The following ARHGAP8 variants were observed in gnomAD, a reference collection of about 807,000 sequenced individuals.
ARHGAP8 encodes the protein rho GTPase-activating protein 8.
Under a neutral mutation model 46.1 loss-of-function variants are expected in ARHGAP8, and 62 were observed. That is an observed-to-expected ratio of 1.34 (90% confidence interval 1.10 to 1.66). The LOEUF is 1.66. Among genes scored for constraint, ARHGAP8 ranks in the 40% most tolerant of loss-of-function variants. The pLI, the probability that ARHGAP8 is intolerant of heterozygous loss-of-function variation, is 0.00. For missense variants in ARHGAP8, 923 were observed against 568.4 expected (o/e 1.62, Z -6.34); for synonymous variants, 375 against 243.1 (o/e 1.54, Z -5.05).
chr22:44,847,699 G>A (rs964952576), intron 8 of ARHGAP8, among the ~76,000 whole-genome samples: 6 of 152,184 alleles, frequency 3.9e-5, no homozygotes, highest in East Asian at 1.9e-4. Context: ...CAGAGAGGCC[G>A]AGAGCTTTCT....
At chr22:44,845,440 G>T (rs1243497182) in intron 8 of ARHGAP8, 98 bp downstream of exon 8, 4 of 1,534,468 alleles carry the variant, frequency 2.6e-6, no homozygotes, top group Non-Finnish European at 3.6e-6. Flanking sequence ...AAGCCAGGGG[G>T]TGTGACCAGG....
chr22:44,819,133 A>G (rs1473674245), intron 5 of ARHGAP8, among the ~76,000 whole-genome samples: 1 of 152,166 alleles, frequency 6.6e-6, no homozygotes, highest in African/African-American at 2.4e-5. Context: ...CAGTGGTGCC[A>G]TCACGGCTCA....
chr22:44,818,450 C>CAAAAAAAAAAAAAAAAAAAA (rs749292883), intron 5 of ARHGAP8, among the ~76,000 whole-genome samples: 10 of 125,424 alleles, frequency 8.0e-5, no homozygotes, highest in African/African-American at 3.6e-4. Flanking sequence ...ACTCCAGTCT[C>CAAAAAAAAAAAAAAAAAAAA]AAAAAAAAAA....
chr22:44,772,739 G>A (rs1434236865), intron 1 of ARHGAP8, among the ~76,000 whole-genome samples: 2 of 151,410 alleles, frequency 1.3e-5, no homozygotes, highest in Non-Finnish European at 2.9e-5. Context: ...AGAGTTAGTG[G>A]AGAATTGGTA....
chr22:44,762,905 C>T (rs2146994662), intron 1 of ARHGAP8, among the ~76,000 whole-genome samples: 1 of 152,226 alleles, frequency 6.6e-6, no homozygotes, highest in Admixed American at 6.5e-5. Flanking sequence ...AAGGAGGGGC[C>T]TAGATAGCTT....
chr22:44,788,087 TTTA>T (rs935009482), intron 2 of ARHGAP8, among the ~76,000 whole-genome samples: 7 of 134,328 alleles, frequency 5.2e-5, no homozygotes, highest in Admixed American at 7.3e-5. Context: ...GTTTAAAATT[TTTA>T]TTATATGTTA....
At chr22:44,760,168 C>T (rs1297486732) in intron 1 of ARHGAP8, among the ~76,000 whole-genome samples, 1 of 152,216 alleles carries the variant, frequency 6.6e-6, no homozygotes, top group Non-Finnish European at 1.5e-5. Flanking sequence ...TGGCCTTGCG[C>T]ATGCCGTCTT....
At chr22:44,837,128 G>A (rs764711920) in intron 7 of ARHGAP8, among the ~76,000 whole-genome samples, 3 of 152,082 alleles carry the variant, frequency 2.0e-5, no homozygotes, top group African/African-American at 4.8e-5. Flanking sequence ...CAGGTGATCC[G>A]CCCACCTTGG....
At chr22:44,861,678 A>T (rs1407117526) in intron 11 of ARHGAP8, among the ~76,000 whole-genome samples, 1 of 152,170 alleles carries the variant, frequency 6.6e-6, no homozygotes, top group African/African-American at 2.4e-5. Context: ...ACGTTGGTCC[A>T]CATGGCCCCC....
intron 1 of ARHGAP8, among the ~76,000 whole-genome samples, chr22:44,753,225 CTTTT>C (rs529491341): frequency 1.4e-5 from 2 of 140,716 alleles, no homozygotes; most frequent in Non-Finnish European, 1.6e-5. Context: ...AAAGCAGAAA[CTTTT>C]TTTTTTTTTT....
At chr22:44,827,080 T>G (rs1245060148) in intron 7 of ARHGAP8, among the ~76,000 whole-genome samples, 1 of 152,060 alleles carries the variant, frequency 6.6e-6, no homozygotes, top group African/African-American at 2.4e-5. Context: ...TTGGGTTCTC[T>G]GGTGGGCCCA....
chr22:44,832,770 T>G (rs1232399126), intron 7 of ARHGAP8, among the ~76,000 whole-genome samples: 2 of 152,178 alleles, frequency 1.3e-5, no homozygotes, highest in African/African-American at 4.8e-5. Flanking sequence ...GACTGTAACC[T>G]CCAATACATT....
intron 10 of ARHGAP8, among the ~76,000 whole-genome samples, chr22:44,857,292 G>C (rs528008730): frequency 1.8e-3 from 275 of 152,262 alleles, no homozygotes; most frequent in Non-Finnish European, 2.0e-3. Context: ...CTGGCTCTCT[G>C]TGCAGCTCCC....
chr22:44,762,866 C>A (rs574720982), intron 1 of ARHGAP8, among the ~76,000 whole-genome samples: 1 of 152,028 alleles, frequency 6.6e-6, no homozygotes, highest in Non-Finnish European at 1.5e-5. Context: ...CTTGACCGTA[C>A]CTGAGTTTGT....
At chr22:44,853,944 T>C (rs1157247413) in intron 10 of ARHGAP8, among the ~76,000 whole-genome samples, 1 of 143,902 alleles carries the variant, frequency 6.9e-6, no homozygotes, top group Non-Finnish European at 1.5e-5. Flanking sequence ...GGAGGATCGC[T>C]TGAACCCGGG....
chr22:44,812,223 A>G (rs1017595127), intron 4 of ARHGAP8, among the ~76,000 whole-genome samples: 10 of 152,102 alleles, frequency 6.6e-5, no homozygotes, highest in Non-Finnish European at 1.5e-4. Context: ...ATGGGTGGCA[A>G]CTAATGGAAG....
At chr22:44,857,552 T>A (rs993435413) in intron 10 of ARHGAP8, among the ~76,000 whole-genome samples, 1 of 151,900 alleles carries the variant, frequency 6.6e-6, no homozygotes, top group African/African-American at 2.4e-5. Context: ...TGATGCCAGG[T>A]TGGAAGAAGA....
intron 5 of ARHGAP8, among the ~76,000 whole-genome samples, chr22:44,816,718 T>C (rs1929768092): frequency 6.6e-6 from 1 of 151,186 alleles, no homozygotes; most frequent in African/African-American, 2.4e-5. Flanking sequence ...AGCAGGAGGA[T>C]TGCTTGAGTC....
At chr22:44,769,715 T>C (rs1925856481) in intron 1 of ARHGAP8, among the ~76,000 whole-genome samples, 1 of 152,186 alleles carries the variant, frequency 6.6e-6, no homozygotes, top group African/African-American at 2.4e-5. Flanking sequence ...TTGGTGCTAT[T>C]GTAATTGTCT....
Sources: allele counts gnomAD v4.1 joint callset (sites outside exome capture counted in the v4.1 genomes callset), GRCh38; gene constraint gnomAD v4.1.1; transcripts MANE v1.5; gene names NCBI Gene and HGNC (gene_info 2026-07-23, HGNC 2026-07-21).